EXD3: variants seen among roughly 807,000 people sequenced by gnomAD.
The protein encoded by EXD3 is exonuclease mut-7 homolog.
In EXD3, 92 loss-of-function variants were observed where a neutral mutation model predicts 98.0. The ratio of observed to expected loss-of-function variants is 0.94; its 90% CI spans 0.79 to 1.12. The LOEUF (loss-of-function observed/expected upper bound fraction) is 1.12, where lower values mean the gene tolerates loss of function less well. Among genes scored for constraint, EXD3 ranks in the 50% most tolerant of loss-of-function variants. The probability of loss-of-function intolerance (pLI) is 0.00; values close to 1 mark genes in which losing one functional copy is unlikely to be tolerated. For missense variants in EXD3, 1,222 were observed against 1,191.6 expected (o/e 1.03, Z -0.38); for synonymous variants, 569 against 526.0 (o/e 1.08, Z -1.12).
intron 3 of EXD3, 113 bp from the exon 4 acceptor site, chr9:137,373,712 T>C (rs909244817): frequency 2.4e-6 from 3 of 1,244,034 alleles, no homozygotes; most frequent in Non-Finnish European, 3.3e-6. Context: ...AAGGTAGCTG[T>C]GGCCATTCAG....
chr9:137,414,416 A>G (rs1258265300), intron 1 of EXD3, among the ~76,000 whole-genome samples: 1 of 151,946 alleles, frequency 6.6e-6, no homozygotes, highest in Non-Finnish European at 1.5e-5. Flanking sequence ...TGCTGTGAAC[A>G]GCTGTGTGCA....
chr9:137,373,397 G>C, intron 4 of EXD3, 29 bp downstream of exon 4: 1 of 1,598,888 alleles, frequency 6.3e-7, no homozygotes, highest in Non-Finnish European at 8.5e-7. Flanking sequence ...CAGGAAGGGA[G>C]GTGACTGTCA....
intron 19 of EXD3, 58 bp downstream of exon 19, chr9:137,323,667 C>T: frequency 6.3e-7 from 1 of 1,587,172 alleles, no homozygotes; most frequent in Non-Finnish European, 8.6e-7. Flanking sequence ...TCCCTGGACA[C>T]CCCCGTAGCT....
intron 2 of EXD3, among the ~76,000 whole-genome samples, chr9:137,391,277 G>A (rs925032153): frequency 7.2e-5 from 11 of 152,362 alleles, no homozygotes; most frequent in South Asian, 2.1e-4. Flanking sequence ...CCTCTCCTGC[G>A]GGCCCTGCCC....
intron 19 of EXD3, among the ~76,000 whole-genome samples, chr9:137,310,660 T>A (rs972861402): frequency 2.6e-5 from 4 of 152,134 alleles, no homozygotes; most frequent in Non-Finnish European, 5.9e-5. Flanking sequence ...GCCTTCCCAG[T>A]GGTCACTTCC....
At chr9:137,330,390 A>G (rs572905546) in intron 17 of EXD3, among the ~76,000 whole-genome samples, 2 of 142,496 alleles carry the variant, frequency 1.4e-5, no homozygotes, top group Admixed American at 1.4e-4. Flanking sequence ...AGGACTACAC[A>G]GGAGCTACAC....
chr9:137,335,962 A>G (rs1268974788), intron 17 of EXD3, among the ~76,000 whole-genome samples: 4 of 152,214 alleles, frequency 2.6e-5, no homozygotes, highest in Admixed American at 6.5e-5. Context: ...TCAGCCGTAA[A>G]AAAGAACAAA....
chr9:137,355,288 A>G (rs1416216405), intron 8 of EXD3, among the ~76,000 whole-genome samples: 1 of 152,042 alleles, frequency 6.6e-6, no homozygotes, highest in Non-Finnish European at 1.5e-5. Flanking sequence ...CTTTTCCCCC[A>G]GGGTGCGGCA....
At position 137,403,070 on chromosome 9, in the gene EXD3, A is replaced by G. The variant is rs547453313; in HGVS notation, c.-47-7666T>C. 2.6e-5 allele frequency among the ~76,000 whole-genome samples: 4 copies of G among 152,266 alleles called. No individual in the cohort carries two copies. Among genetic ancestry groups the G allele is most frequent in the African/African-American group, 9.6e-5 (4 of 41,560 alleles). ...TTCAAGTTGAGATGTGGGTGAGGAC[A>G]CAGCCAAAGCATATCACCCGCCACG... On this transcript the variant is annotated intron_variant, in intron 1 of 21. Transcript: ENST00000340951. The surrounding 1 kb of genome is among the most constrained non-coding windows in gnomAD (Gnocchi z 6.1).
At chr9:137,373,321 C>T (rs1835734209) in intron 4 of EXD3, 105 bp downstream of exon 4, 6 of 1,382,560 alleles carry the variant, frequency 4.3e-6, no homozygotes, top group South Asian at 2.5e-5. Context: ...CCTTCCCTGG[C>T]TTGCTGAGCG....
chr9:137,390,205 C>A (rs914502789), intron 2 of EXD3, among the ~76,000 whole-genome samples: 1 of 140,294 alleles, frequency 7.1e-6, no homozygotes, highest in African/African-American at 2.7e-5. Context: ...CTGAGGTGGG[C>A]GGATCATGAG....
chr9:137,349,529 C>T lies in EXD3; in HGVS notation c.1497G>A (p.Met499Ile). Residue 499 changes from methionine (M) to isoleucine (I), a missense_variant and splice_region_variant, in exon 15 of 22, where the codon ATG (methionine) becomes ATA (isoleucine). By Grantham distance (10) the Met-to-Ile change is conservative. Coordinates refer to ENST00000340951, the MANE Select transcript of EXD3 (RefSeq NM_017820.5). The surrounding 1 kb of genome is among the most constrained non-coding windows in gnomAD (Gnocchi z 7.4). Reference protein sequence around the residue: ...GMDLLLVHRQMRVASVPAPAV... With the variant: ...GMDLLLVHRQIRVASVPAPAV... ...CTGGGGCTGGCACGCTCGCCACCCG[C>T]ATCTGCTAAGACAGTGCCCTGCAGG... 6.3e-7 allele frequency: 1 copy of T among 1,588,020 alleles called. No individual in the cohort carries two copies. Among genetic ancestry groups the T allele is most frequent in the Non-Finnish European group, 8.5e-7 (1 of 1,170,402 alleles).
chr9:137,405,014 C>T lies in EXD3; in HGVS notation c.-47-9610G>A, dbSNP rs1837648500. ...GGTGCTCGAGGGGACACAGTGCTATCCCCCAGGCGAGCCGGGTGCTGGGAG... is the reference window on the plus strand; with the variant it reads ...GGTGCTCGAGGGGACACAGTGCTATTCCCCAGGCGAGCCGGGTGCTGGGAG... On this transcript the variant is annotated intron_variant, in intron 1 of 21. Coordinates refer to ENST00000340951, the MANE Select transcript of EXD3 (RefSeq NM_017820.5). This position sits in a 1 kb window ranked among gnomAD's most constrained non-coding sequence, Gnocchi z 4.1. Among the ~76,000 whole-genome samples the T allele has an allele frequency of 6.6e-6, 1 of 152,160 alleles. No individual in the cohort carries two copies. The highest frequency in any genetic ancestry group is 2.1e-4 in the South Asian group (1 of 4,832).
intron 1 of EXD3, among the ~76,000 whole-genome samples, chr9:137,416,446 C>T (rs1046428486): frequency 6.6e-6 from 1 of 152,216 alleles, no homozygotes; most frequent in African/African-American, 2.4e-5. Flanking sequence ...GAGGGACCGC[C>T]GGCAGCCCAC....
chr9:137,343,468 C>T (rs561732987), intron 17 of EXD3: 1 of 149,146 alleles, frequency 6.7e-6, no homozygotes, highest in South Asian at 2.1e-4. Flanking sequence ...TTGGAAGTAG[C>T]AAATACTTGT....
chr9:137,337,977 C>T (rs1833449243), intron 17 of EXD3, among the ~76,000 whole-genome samples: 2 of 152,000 alleles, frequency 1.3e-5, no homozygotes, highest in South Asian at 4.1e-4. Context: ...TTAGTACAGA[C>T]AGGGTTTCAC....
At chr9:137,410,684 G>A (rs994497966) in intron 1 of EXD3, among the ~76,000 whole-genome samples, 11 of 152,152 alleles carry the variant, frequency 7.2e-5, no homozygotes, top group Admixed American at 1.3e-4. Flanking sequence ...CTACCCACAC[G>A]GGGCAGAACT....
At chr9:137,377,437 T>G (rs1425191829) in intron 3 of EXD3, among the ~76,000 whole-genome samples, 3 of 109,924 alleles carry the variant, frequency 2.7e-5, no homozygotes, top group Non-Finnish European at 3.6e-5. Flanking sequence ...AGAACAAGAC[T>G]CTGTCTCTAA....
At chr9:137,328,485 A>ACTAATAT (rs1336695260) in intron 17 of EXD3, among the ~76,000 whole-genome samples, 33 of 151,836 alleles carry the variant, frequency 2.2e-4, no homozygotes, top group Middle Eastern at 3.4e-3. Flanking sequence ...AGTAAAAACA[A>ACTAATAT]AAGTAAAAAC....
Sources: allele counts gnomAD v4.1 joint callset (sites outside exome capture counted in the v4.1 genomes callset), GRCh38; gene constraint gnomAD v4.1.1; non-coding constraint Gnocchi (gnomAD v3.1); transcripts MANE v1.5; gene names NCBI Gene and HGNC (gene_info 2026-07-23, HGNC 2026-07-21).